KLHL1: variants seen among roughly 807,000 people sequenced by gnomAD.
The protein encoded by KLHL1 is kelch-like protein 1.
In KLHL1, 47 loss-of-function variants were observed where a neutral mutation model predicts 77.7. The ratio of observed to expected loss-of-function variants is 0.60; its 90% CI spans 0.48 to 0.77. The LOEUF (loss-of-function observed/expected upper bound fraction) is 0.77. Among genes scored for constraint, KLHL1 ranks in the 30% least tolerant of loss-of-function variants. The pLI is 0.00. For missense variants in KLHL1, 925 were observed against 910.8 expected (o/e 1.02, Z -0.20); for synonymous variants, 360 against 325.2 (o/e 1.11, Z -1.15).
Position 70,108,070 on chromosome 13 carries a change from T to C in KLHL1, c.-371A>G, listed in dbSNP as rs992669073. On this transcript the variant is annotated 5_prime_UTR_variant, in exon 1 of 11. Coordinates refer to ENST00000377844, the MANE Select transcript of KLHL1 (RefSeq NM_020866.3). The stretch of plus-strand genomic sequence containing the variant: ...GCGCGAGGGAGGGAGGTCTGAGCGC[T>C]CCGAAGCTCCGGAGGCGGCTGCAGC... The C allele has an allele frequency of 7.4e-5, 31 of 416,474 alleles. No homozygotes were observed. The highest frequency in any genetic ancestry group is 1.2e-4 in the Non-Finnish European group (29 of 236,274). The allele number at this position is 416,474 out of a possible 1,614,324, so 25.8% of individuals were successfully genotyped here.
intron 7 of KLHL1, among the ~76,000 whole-genome samples, chr13:69,751,173 A>T (rs1874463069): frequency 6.7e-6 from 1 of 149,554 alleles, no homozygotes; most frequent in Non-Finnish European, 1.5e-5. Context: ...GCATGTGGGC[A>T]TGTGTTATGT....
rs778272080 is a variant in KLHL1, at chr13:70,107,582, G to C, written c.118C>G (p.Gln40Glu). The C allele has an allele frequency of 1.9e-6, 3 of 1,603,630 alleles. No individual in the cohort carries two copies. The South Asian group carries it at 3.4e-5, about 18-fold the overall frequency. ...TGCTCAAAGCTGCCACTGCCGTCCT[G>C]TTGCAGGCAGCCTCCCCCCGCCGGG... ...GGPAGGGCLQQDGSGSFEHWG... is the reference protein window; with the variant it reads ...GGPAGGGCLQEDGSGSFEHWG... Residue 40 changes from glutamine (Q) to glutamate (E), a missense_variant, in exon 1 of 11, where the codon CAG (glutamine) becomes GAG (glutamate). By Grantham distance (29) the Gln-to-Glu change is conservative (BLOSUM62 2). Coordinates refer to ENST00000377844, the MANE Select transcript of KLHL1 (RefSeq NM_020866.3).
intron 2 of KLHL1, among the ~76,000 whole-genome samples, chr13:69,975,340 A>G (rs759129780): frequency 7.9e-5 from 12 of 152,204 alleles, no homozygotes; most frequent in Middle Eastern, 3.4e-3. Flanking sequence ...TTTTTCCTCC[A>G]TAGTTATCAA....
At chr13:69,712,875 C>G (rs1272022250) in intron 9 of KLHL1, among the ~76,000 whole-genome samples, 2 of 151,306 alleles carry the variant, frequency 1.3e-5, no homozygotes, top group African/African-American at 2.4e-5. Flanking sequence ...CTCTAGAGAT[C>G]AAGAGATCTT....
chr13:69,980,739 T>C (rs758118491), intron 1 of KLHL1, among the ~76,000 whole-genome samples: 1 of 152,042 alleles, frequency 6.6e-6, no homozygotes, highest in Non-Finnish European at 1.5e-5. Flanking sequence ...GAGTATATTG[T>C]GTGGTGCTGA....
intron 5 of KLHL1, among the ~76,000 whole-genome samples, chr13:69,851,467 T>C (rs1315821243): frequency 1.3e-5 from 2 of 151,764 alleles, no homozygotes; most frequent in African/African-American, 2.4e-5. Context: ...AAAGAAACAC[T>C]TACTTGATCT....
At chr13:70,052,338 A>G (rs1401158397) in intron 1 of KLHL1, among the ~76,000 whole-genome samples, 1 of 148,210 alleles carries the variant, frequency 6.7e-6, no homozygotes, top group Non-Finnish European at 1.5e-5. Flanking sequence ...GATGAGAAAG[A>G]AAAAAAAATA....
In KLHL1 at chr13:70,020,637, T is replaced by C. The variant is rs367928813; in HGVS notation, c.498-44835A>G. Among the ~76,000 whole-genome samples the C allele has an allele frequency of 2.1e-4, 32 of 152,132 alleles. 1 individual carries two copies. The East Asian group carries it at 5.8e-3, about 28-fold the overall frequency. On this transcript the variant is annotated intron_variant, in intron 1 of 10. Transcript: ENST00000377844. Reference sequence around the variant, plus strand: ...CAGAAGCTGTACCTTTTATCTATGATTCCCAGGGCACAGATAACCCAGGTA... The same window carrying C: ...CAGAAGCTGTACCTTTTATCTATGACTCCCAGGGCACAGATAACCCAGGTA...
At chr13:69,742,292 C>T (rs1874019656) in intron 7 of KLHL1, among the ~76,000 whole-genome samples, 1 of 152,220 alleles carries the variant, frequency 6.6e-6, no homozygotes, top group African/African-American at 2.4e-5. Flanking sequence ...ATTTTGGAGA[C>T]AAGAACTATC....
chr13:69,709,216 C>T (rs1218954207), intron 9 of KLHL1, among the ~76,000 whole-genome samples: 2 of 151,906 alleles, frequency 1.3e-5, no homozygotes, highest in Non-Finnish European at 2.9e-5. Context: ...TAGATGCAGA[C>T]ATACATAGAC....
intron 3 of KLHL1, among the ~76,000 whole-genome samples, chr13:69,942,498 T>A (rs944137646): frequency 6.6e-6 from 1 of 152,108 alleles, no homozygotes; most frequent in African/African-American, 2.4e-5. Flanking sequence ...TAAAAAGTTA[T>A]CTGCTTTCAA....
intron 1 of KLHL1, among the ~76,000 whole-genome samples, chr13:69,988,228 C>T (rs1884929278): frequency 6.6e-6 from 1 of 152,054 alleles, no homozygotes; most frequent in Admixed American, 6.6e-5. Flanking sequence ...TGGTTTTCTC[C>T]TCCTGCGTTA....
intron 4 of KLHL1, among the ~76,000 whole-genome samples, chr13:69,925,749 T>C (rs372477161): frequency 7.2e-5 from 11 of 152,310 alleles, no homozygotes; most frequent in African/African-American, 2.6e-4. Flanking sequence ...AATTTCAACA[T>C]TATTTTTTGT....
At chr13:69,780,583 AT>A (rs1341626181) in intron 7 of KLHL1, among the ~76,000 whole-genome samples, 2 of 148,514 alleles carry the variant, frequency 1.3e-5, no homozygotes, top group African/African-American at 2.5e-5. Context: ...TATTATGCTG[AT>A]TTTTTTTCAG....
At chr13:69,749,601 C>T (rs114468448) in intron 7 of KLHL1, among the ~76,000 whole-genome samples, 1,948 of 151,980 alleles carry the variant, frequency 0.013, 46 homozygotes, top group African/African-American at 0.045. Context: ...TAACATGGCA[C>T]ATGTTAAAAT....
At chr13:69,845,474 A>C (rs1384196065) in intron 5 of KLHL1, among the ~76,000 whole-genome samples, 1 of 151,658 alleles carries the variant, frequency 6.6e-6, no homozygotes, top group Non-Finnish European at 1.5e-5. Flanking sequence ...TATGCAAAAA[A>C]TTTAGCAGAA....
chr13:70,037,192 T>G (rs1425809984), intron 1 of KLHL1, among the ~76,000 whole-genome samples: 5 of 152,098 alleles, frequency 3.3e-5, no homozygotes, highest in Non-Finnish European at 7.4e-5. Context: ...TAGGAATATT[T>G]TCCTTCATGC....
intron 7 of KLHL1, among the ~76,000 whole-genome samples, chr13:69,789,423 G>C (rs147540937): frequency 6.6e-6 from 1 of 151,744 alleles, no homozygotes; most frequent in African/African-American, 2.4e-5. Context: ...CTATTGAGTC[G>C]AGGAATCTGA....
At chr13:70,075,744 T>TAC (rs1435790186) in intron 1 of KLHL1, among the ~76,000 whole-genome samples, 2 of 96,746 alleles carry the variant, frequency 2.1e-5, no homozygotes, top group African/African-American at 7.3e-5. Flanking sequence ...TGTATATATA[T>TAC]ACACACATAC....
Sources: allele counts gnomAD v4.1 joint callset (sites outside exome capture counted in the v4.1 genomes callset), GRCh38; gene constraint gnomAD v4.1.1; transcripts MANE v1.5; gene names NCBI Gene and HGNC (gene_info 2026-07-23, HGNC 2026-07-21).